The following STAMBP variants were observed in gnomAD, a reference collection of about 807,000 sequenced individuals.
STAMBP encodes STAM-binding protein.
STAMBP carries 31 observed loss-of-function variants against 50.7 expected under a neutral mutation model. The observed-to-expected ratio is 0.61, with a 90% CI of 0.46 to 0.83. The LOEUF (loss-of-function observed/expected upper bound fraction) is 0.83. Among genes scored for constraint, STAMBP ranks in the 40% least tolerant of loss-of-function variants. The pLI is 0.00. For missense variants in STAMBP, 472 were observed against 518.9 expected (o/e 0.91, Z 0.88); for synonymous variants, 211 against 192.4 (o/e 1.10, Z -0.80).
intron 4 of STAMBP, among the ~76,000 whole-genome samples, chr2:73,847,097 A>G (rs1676198583): frequency 6.6e-6 from 1 of 151,888 alleles, no homozygotes; most frequent in Non-Finnish European, 1.5e-5. Context: ...AAAAAAAAAA[A>G]AGATTTCAGT....
At chr2:73,847,788 G>A in intron 5 of STAMBP, 35 bp downstream of exon 5, 1 of 1,589,200 alleles carries the variant, frequency 6.3e-7, no homozygotes, top group Non-Finnish European at 8.5e-7. Context: ...TTCCTTCTCA[G>A]TTGCAGCCAA....
At chr2:73,858,853 T>C (rs183510464) in intron 7 of STAMBP, among the ~76,000 whole-genome samples, 127 of 152,300 alleles carry the variant, frequency 8.3e-4, no homozygotes, top group African/African-American at 3.0e-3. Flanking sequence ...TTTACTTCCT[T>C]CAGAGACCAG....
chr2:73,849,512 T>C, intron 6 of STAMBP, 25 bp downstream of exon 6: 8 of 1,570,528 alleles, frequency 5.1e-6, no homozygotes, highest in Non-Finnish European at 6.9e-6. Context: ...AAAACCAAAC[T>C]CTTCTCTGAA....
At chr2:73,838,100 T>G (rs1018392478) in intron 2 of STAMBP, among the ~76,000 whole-genome samples, 1 of 152,204 alleles carries the variant, frequency 6.6e-6, no homozygotes, top group Non-Finnish European at 1.5e-5. Flanking sequence ...AGACCCTAAT[T>G]AGAACGGGTA....
intron 2 of STAMBP, among the ~76,000 whole-genome samples, chr2:73,840,626 C>T (rs1195902870): frequency 4.6e-5 from 7 of 151,544 alleles, no homozygotes; most frequent in Non-Finnish European, 7.4e-5. Flanking sequence ...TGCCTCTAAT[C>T]GCAGCTACTC....
chr2:73,854,641 A>C (rs1677314125), intron 7 of STAMBP, among the ~76,000 whole-genome samples: 1 of 152,082 alleles, frequency 6.6e-6, no homozygotes, highest in Non-Finnish European at 1.5e-5. Flanking sequence ...GTGCCCAGCT[A>C]GTTCAGCTTT....
intron 8 of STAMBP, among the ~76,000 whole-genome samples, 156 bp downstream of exon 8, chr2:73,859,522 T>C (rs1042129436): frequency 2.0e-5 from 3 of 152,176 alleles, no homozygotes; most frequent in Non-Finnish European, 4.4e-5. Flanking sequence ...TTAAGCCCCA[T>C]ATCATGATTT....
In STAMBP at chr2:73,847,438, G is replaced by T; in HGVS notation, c.427G>T (p.Glu143Ter). 1 of 1,613,620 alleles carries T rather than the reference G, an allele frequency of 6.2e-7. No individual in the cohort carries two copies. Among genetic ancestry groups the T allele is most frequent in the Non-Finnish European group, 8.5e-7 (1 of 1,179,612 alleles). ...ARNMAIQQELEKEKQRVAQQK... is the reference protein window; with the variant it reads ...ARNMAIQQEL The stretch of plus-strand genomic sequence containing the variant: ...GAACATGGCCATCCAGCAAGAGCTG[G>T]AAAAGGAAAAACAGAGGGTAGCACA... Residue 143 changes from glutamate to a stop codon, truncating the protein, a stop_gained, in exon 5 of 10, where the codon GAA (glutamate) becomes TAA (stop). Transcript: ENST00000394070. LOFTEE classifies it high-confidence loss of function.
Position 73,845,212 on chromosome 2 carries a change from G to C in STAMBP, c.325G>C (p.Glu109Gln). Residue 109 changes from glutamate (E) to glutamine (Q), a missense_variant, in exon 4 of 10, where the codon GAG becomes CAG. Glu to Gln is a conservative substitution (Grantham distance 29). Coordinates refer to ENST00000394070, the MANE Select transcript of STAMBP (RefSeq NM_213622.4). ...AFPKAEELKAELLKRYTKEYT... is the reference protein window; with the variant it reads ...AFPKAEELKAQLLKRYTKEYT... The stretch of plus-strand genomic sequence containing the variant: ...TCCCAAAGCAGAAGAGCTGAAGGCA[G>C]AGCTGTTAAAACGATATACCAAAGA... The C allele has an allele frequency of 6.2e-7, 1 of 1,614,140 alleles. No homozygotes were observed. The highest frequency in any genetic ancestry group is 8.5e-7 in the Non-Finnish European group (1 of 1,179,980).
At chr2:73,867,180 G>C (rs1279442693), downstream of STAMBP, 2 of 152,176 alleles carry the variant, frequency 1.3e-5, no homozygotes, top group Non-Finnish European at 2.9e-5. Context: ...AAATGGTAAG[G>C]CTTTGCTTTT....
chr2:73,859,712 T>TATA lies in STAMBP; in HGVS notation c.1119-335_1119-333dup, dbSNP rs1678069988. 6.0e-5 allele frequency among the ~76,000 whole-genome samples: 6 copies of TATA among 99,978 alleles called. No homozygotes were observed. The South Asian group carries it at 1.8e-3, about 29-fold the overall frequency. 65.6% of individuals were successfully genotyped at this position (99,978 alleles called of 152,430 possible). On this transcript the variant is annotated intron_variant, in intron 8 of 9. Coordinates refer to ENST00000394070, the MANE Select transcript of STAMBP (RefSeq NM_213622.4). Reference sequence around the variant, plus strand: ...AAATAAAAAATAAAAAATAAAAAAATATAATAAAAAAATAAAAATAAAAAA... The same window carrying TATA: ...AAATAAAAAATAAAAAATAAAAAAATATAATAATAAAAAAATAAAAATAAAAAA...
In STAMBP at chr2:73,862,275, A is replaced by C. The variant is rs1315539382; in HGVS notation, c.*16A>C. ...CCTTCGATGAGCGTTTGAGTCCAAC[A>C]CCTTCCAAGAACAACAAAACCATAT... On this transcript the variant is annotated 3_prime_UTR_variant, in exon 10 of 10. Coordinates refer to ENST00000394070, the MANE Select transcript of STAMBP (RefSeq NM_213622.4). 2 of 1,606,250 alleles carry C rather than the reference A, an allele frequency of 1.2e-6. No individual in the cohort carries two copies. The highest frequency in any genetic ancestry group is 1.7e-6 in the Non-Finnish European group (2 of 1,177,130).
At position 73,860,209 on chromosome 2, in the gene STAMBP, G is replaced by GCTGA. The variant is rs2104690865; in HGVS notation, c.1218+59_1218+62dup. On this transcript the variant is annotated intron_variant, in intron 9 of 9. Transcript: ENST00000394070. ...GCTTCAAGCAGGGAGGACAGTCAGA[G>GCTGA]CTGATGAAATGCATCATCCTTTCTG... The GCTGA allele has an allele frequency of 3.5e-6, 5 of 1,434,992 alleles. No individual in the cohort carries two copies. In the East Asian group the frequency reaches 1.1e-4, roughly 33 times the overall value. 88.9% of individuals were successfully genotyped at this position (1,434,992 alleles called of 1,614,324 possible).
At chr2:73,831,845 C>T (rs1361479831) in intron 2 of STAMBP, among the ~76,000 whole-genome samples, 2 of 151,970 alleles carry the variant, frequency 1.3e-5, no homozygotes, top group African/African-American at 4.8e-5. Flanking sequence ...GGGTACACTA[C>T]CCTACATTCT....
chr2:73,846,351 T>C (rs1020118369), intron 4 of STAMBP, among the ~76,000 whole-genome samples: 2 of 152,070 alleles, frequency 1.3e-5, no homozygotes, highest in African/African-American at 4.8e-5. Flanking sequence ...CCTGTAATCC[T>C]AGCACTTTGG....
At chr2:73,851,743 G>A (rs552662673) in intron 7 of STAMBP, among the ~76,000 whole-genome samples, 4 of 151,466 alleles carry the variant, frequency 2.6e-5, no homozygotes, top group African/African-American at 7.3e-5. Flanking sequence ...GGATTCAAGC[G>A]ATTCTCCTAC....
intron 9 of STAMBP, among the ~76,000 whole-genome samples, 173 bp downstream of exon 9, chr2:73,860,324 T>C (rs1475869044): frequency 6.6e-6 from 1 of 152,194 alleles, no homozygotes; most frequent in Non-Finnish European, 1.5e-5. Context: ...AGGAATAGAT[T>C]TGAATCTTAG....
chr2:73,855,562 A>T, intron 7 of STAMBP: 1 of 455,738 alleles, frequency 2.2e-6, no homozygotes, highest in Non-Finnish European at 4.4e-6. Flanking sequence ...CATGGGATGG[A>T]AGGTGGTGTT....
downstream of STAMBP, among the ~76,000 whole-genome samples, chr2:73,870,777 C>G (rs934988159): frequency 1.3e-5 from 2 of 152,146 alleles, no homozygotes; most frequent in African/African-American, 4.8e-5. Context: ...AGCACAATTC[C>G]ATCAAAATAT....
Sources: gnomAD v4.1 joint callset for allele counts (sites outside exome capture counted in the v4.1 genomes callset) on GRCh38, gnomAD v4.1.1 for gene constraint, MANE v1.5 for transcripts, NCBI Gene and HGNC (gene_info 2026-07-23, HGNC 2026-07-21) for gene names.